Variants in TASP1 observed in about 807,000 individuals in gnomAD.
TASP1 encodes the protein taspase 1.
In TASP1, 16 loss-of-function variants were observed where a neutral mutation model predicts 56.6. The ratio of observed to expected loss-of-function variants is 0.28; its 90% CI spans 0.19 to 0.43. The LOEUF (loss-of-function observed/expected upper bound fraction) is 0.43. Ranked by LOEUF, TASP1 falls within the 20% of genes least tolerant of loss-of-function variation. The pLI, the probability that TASP1 is intolerant of heterozygous loss-of-function variation, is 1.00. For synonymous variants in TASP1, 179 were observed against 184.2 expected (o/e 0.97, Z 0.23); for missense variants, 393 against 511.6 (o/e 0.77, Z 2.24).
chr20:13,477,521 A>G (rs1600929998), intron 11 of TASP1, among the ~76,000 whole-genome samples: 1 of 152,238 alleles, frequency 6.6e-6, no homozygotes, highest in East Asian at 1.9e-4. Context: ...GGAATCTATA[A>G]TGCTGCCCCA....
At chr20:13,397,418 A>G (rs2041583079) in intron 13 of TASP1, among the ~76,000 whole-genome samples, 1 of 151,816 alleles carries the variant, frequency 6.6e-6, no homozygotes, top group African/African-American at 2.4e-5. Context: ...TATTTTTTTC[A>G]GATGAAAAAA....
chr20:13,114,975 T>C, the TASP1 span, among the ~76,000 whole-genome samples: 1 of 152,240 alleles, frequency 6.6e-6, no homozygotes, highest in Admixed American at 6.5e-5. Context: ...TTAAGAATAA[T>C]TCAAGTCCCT....
chr20:13,136,281 T>C, the TASP1 span, among the ~76,000 whole-genome samples: 3 of 152,022 alleles, frequency 2.0e-5, no homozygotes, highest in Non-Finnish European at 4.4e-5. Flanking sequence ...TGGAAAACAA[T>C]AGCTATTTAA....
the TASP1 span, among the ~76,000 whole-genome samples, chr20:13,196,266 G>A: frequency 5.9e-5 from 9 of 152,120 alleles, no homozygotes; most frequent in Admixed American, 1.3e-4. Context: ...TCTAGGCCCA[G>A]AAGAAATGAT....
At chr20:13,192,103 A>G in the TASP1 span, among the ~76,000 whole-genome samples, 67 of 152,252 alleles carry the variant, frequency 4.4e-4, no homozygotes, top group African/African-American at 1.4e-3. Flanking sequence ...ATCCAAAGAA[A>G]TTATTTCATA....
At chr20:13,135,582 G>A in the TASP1 span, among the ~76,000 whole-genome samples, 1 of 152,072 alleles carries the variant, frequency 6.6e-6, no homozygotes, top group East Asian at 1.9e-4. Flanking sequence ...CACTTACTTT[G>A]CCTACTGGCT....
rs552230156 is a variant in TASP1, at chr20:13,534,841, C to T, written c.676-700G>A. The stretch of plus-strand genomic sequence containing the variant: ...CTGACTATGAGCCGCTGTCTCCTAC[C>T]TCCAAAGTTTATGGGTCACCTGTGC... On this transcript the variant is annotated intron_variant, in intron 8 of 13. Transcript: ENST00000337743. Among the ~76,000 whole-genome samples, 312 of 152,278 alleles carry T rather than the reference C, an allele frequency of 2.0e-3. 2 individuals are homozygous for T. The highest frequency in any genetic ancestry group is 3.7e-3 in the Non-Finnish European group (249 of 68,026).
intron 6 of TASP1, among the ~76,000 whole-genome samples, chr20:13,575,093 C>A (rs193006595): frequency 2.6e-5 from 4 of 152,152 alleles, no homozygotes; most frequent in African/African-American, 9.6e-5. Context: ...CTGAAGCCAA[C>A]AATATATAAA....
At chr20:13,172,945 T>C in the TASP1 span, among the ~76,000 whole-genome samples, 1 of 152,192 alleles carries the variant, frequency 6.6e-6, no homozygotes, top group Non-Finnish European at 1.5e-5. Flanking sequence ...TCCCACTGGG[T>C]GTCCCTGGTT....
chr20:13,311,074 A>G, the TASP1 span, among the ~76,000 whole-genome samples: 6 of 152,100 alleles, frequency 3.9e-5, no homozygotes, highest in African/African-American at 1.4e-4. Flanking sequence ...GGTGCCTGTA[A>G]TCCCAGCTAC....
the TASP1 span, among the ~76,000 whole-genome samples, chr20:13,349,301 A>G: frequency 6.6e-6 from 1 of 152,228 alleles, no homozygotes; most frequent in African/African-American, 2.4e-5. Context: ...CTAAAGGTGT[A>G]ACATTTATCC....
At chr20:13,271,268 A>G in the TASP1 span, among the ~76,000 whole-genome samples, 1 of 152,210 alleles carries the variant, frequency 6.6e-6, no homozygotes, top group Admixed American at 6.5e-5. Context: ...ACTCTAAAGT[A>G]TACATGACTT....
the TASP1 span, among the ~76,000 whole-genome samples, chr20:13,307,879 T>C: frequency 6.6e-6 from 1 of 152,138 alleles, no homozygotes; most frequent in Admixed American, 6.5e-5. Context: ...TCACAAAGAG[T>C]GCTACTATGG....
chr20:13,149,190 T>C, the TASP1 span, among the ~76,000 whole-genome samples: 2,834 of 152,326 alleles, frequency 0.019, 54 homozygotes, highest in South Asian at 0.03. Flanking sequence ...GTAGGGACTT[T>C]CCCTGACTTC....
chr20:13,409,869 A>G (rs771612523), intron 13 of TASP1, among the ~76,000 whole-genome samples: 19 of 152,194 alleles, frequency 1.2e-4, no homozygotes, highest in Non-Finnish European at 2.5e-4. Context: ...CTGGAAATAT[A>G]TAATACATTG....
chr20:13,396,149 T>C (rs1233676141), intron 13 of TASP1, among the ~76,000 whole-genome samples: 1 of 152,188 alleles, frequency 6.6e-6, no homozygotes, highest in Non-Finnish European at 1.5e-5. Context: ...TCTCTCTTAA[T>C]GAGTTGACTC....
At chr20:13,124,048 G>A in the TASP1 span, among the ~76,000 whole-genome samples, 1 of 152,172 alleles carries the variant, frequency 6.6e-6, no homozygotes, top group Non-Finnish European at 1.5e-5. Context: ...TGAACTTTCC[G>A]GATACCCTGT....
At chr20:13,469,811 T>TTTTTTTTG (rs2044414513) in intron 11 of TASP1, among the ~76,000 whole-genome samples, 1 of 122,444 alleles carries the variant, frequency 8.2e-6, no homozygotes, top group Non-Finnish European at 1.8e-5. Flanking sequence ...TTTTTTTTTT[T>TTTTTTTTG]TTTTTTTTTT....
At chr20:13,513,276 C>T (rs1036255108) in intron 10 of TASP1, among the ~76,000 whole-genome samples, 6 of 152,052 alleles carry the variant, frequency 3.9e-5, no homozygotes, top group Admixed American at 3.3e-4. Flanking sequence ...CCAATAGTCT[C>T]GTCCTCAAGG....
Sources: gnomAD v4.1 joint callset for allele counts (sites outside exome capture counted in the v4.1 genomes callset) on GRCh38, gnomAD v4.1.1 for gene constraint, MANE v1.5 for transcripts, NCBI Gene and HGNC (gene_info 2026-07-23, HGNC 2026-07-21) for gene names.